DLG2: variants seen among roughly 807,000 people sequenced by gnomAD.
DLG2 encodes discs large MAGUK scaffold protein 2.
Under a neutral mutation model 132.5 loss-of-function variants are expected in DLG2, and 45 were observed. The ratio of observed to expected loss-of-function variants is 0.34; its 90% CI spans 0.27 to 0.44. The LOEUF is 0.44. DLG2 is among the 20% of genes least tolerant of loss of function. The pLI is 1.00. For synonymous variants in DLG2, 424 were observed against 419.6 expected, an observed-to-expected ratio of 1.01 and a Z score of -0.13; for missense variants, 1,045 against 1,196.9, an observed-to-expected ratio of 0.87 and a Z score of 1.87.
chr11:85,361,996 G>A (rs2084191399), intron 3 of DLG2, among the ~76,000 whole-genome samples: 2 of 152,154 alleles, frequency 1.3e-5, no homozygotes, highest in South Asian at 4.1e-4. Context: ...TTGAGACAAA[G>A]TCTTGCTGTG....
At chr11:84,429,295 A>C (rs936965169) in intron 7 of DLG2, among the ~76,000 whole-genome samples, 1 of 152,212 alleles carries the variant, frequency 6.6e-6, no homozygotes, top group African/African-American at 2.4e-5. Context: ...GTCTTATAGA[A>C]AATCAGAATT....
intron 5 of DLG2, among the ~76,000 whole-genome samples, chr11:85,146,188 CT>C (rs779034121): frequency 1.3e-5 from 2 of 151,326 alleles, no homozygotes; most frequent in Non-Finnish European, 2.9e-5. Flanking sequence ...TCACTTCTCA[CT>C]TTCCCCAAAC....
chr11:83,888,480 G>A (rs1024222729), intron 15 of DLG2, among the ~76,000 whole-genome samples: 8 of 152,122 alleles, frequency 5.3e-5, no homozygotes, highest in African/African-American at 1.4e-4. Flanking sequence ...AACATTCCAT[G>A]CTCATGGGTA....
At chr11:84,449,210 A>G (rs1486276771) in intron 7 of DLG2, among the ~76,000 whole-genome samples, 1 of 151,938 alleles carries the variant, frequency 6.6e-6, no homozygotes, top group Non-Finnish European at 1.5e-5. Context: ...CTTTTGCAAA[A>G]TACAATAAAT....
intron 6 of DLG2, among the ~76,000 whole-genome samples, chr11:84,573,643 T>C (rs545807721): frequency 1.6e-4 from 24 of 152,246 alleles, no homozygotes; most frequent in Middle Eastern, 6.8e-3. Flanking sequence ...CTAAATGCTA[T>C]TGGAAATACA....
chr11:85,376,064 G>C (rs796389020), intron 3 of DLG2, among the ~76,000 whole-genome samples: 5 of 152,270 alleles, frequency 3.3e-5, no homozygotes, highest in African/African-American at 1.2e-4. Context: ...CTAATAAGTA[G>C]TTATAGAGCA....
At chr11:84,198,736 G>C (rs2096555189) in intron 8 of DLG2, among the ~76,000 whole-genome samples, 1 of 152,176 alleles carries the variant, frequency 6.6e-6, no homozygotes, top group Admixed American at 6.5e-5. Flanking sequence ...AGGACTTAGA[G>C]AGGGAAGTCA....
intron 3 of DLG2, among the ~76,000 whole-genome samples, chr11:85,347,872 C>T (rs1376291263): frequency 1.4e-5 from 2 of 139,354 alleles, no homozygotes; most frequent in African/African-American, 5.5e-5. Flanking sequence ...GGTGCAATCT[C>T]GGCACATTGC....
chr11:85,612,781 T>A (rs2081091570), intron 2 of DLG2, among the ~76,000 whole-genome samples: 1 of 152,210 alleles, frequency 6.6e-6, no homozygotes, highest in African/African-American at 2.4e-5. Context: ...GAATGGCTAC[T>A]GCTACAGAAA....
chr11:85,494,519 G>A (rs1043291964), intron 3 of DLG2, among the ~76,000 whole-genome samples: 1 of 151,980 alleles, frequency 6.6e-6, no homozygotes, highest in Non-Finnish European at 1.5e-5. Flanking sequence ...AGTAAGCAAT[G>A]TTAAAATTTG....
intron 17 of DLG2, among the ~76,000 whole-genome samples, chr11:83,807,990 A>G (rs767770926): frequency 2.6e-5 from 4 of 152,100 alleles, no homozygotes; most frequent in African/African-American, 7.2e-5. Flanking sequence ...ACAGTCATCA[A>G]TGTTGCTATG....
chr11:84,845,864 G>C (rs1180619640), intron 6 of DLG2, among the ~76,000 whole-genome samples: 1 of 151,842 alleles, frequency 6.6e-6, no homozygotes, highest in African/African-American at 2.4e-5. Flanking sequence ...ATTTTTAGTA[G>C]AGATAGGGTT....
At position 83,486,251 on chromosome 11, in the gene DLG2, A is replaced by G. The variant is rs571425837; in HGVS notation, c.2194-2023T>C. On this transcript the variant is annotated intron_variant, in intron 21 of 27. Coordinates refer to ENST00000376104, the MANE Select transcript of DLG2 (RefSeq NM_001142699.3). ...TTTCAAGCATATTTAAACTCCAGTA[A>G]CTGAAAATAAAAGAAAAAAAATCAT... 4.4e-6 allele frequency: 3 copies of G among 682,222 alleles called. No homozygotes were observed. The African/African-American group carries it at 5.4e-5, about 12-fold the overall frequency. The allele number at this position is 682,222 out of a possible 1,614,324, so 42.3% of individuals were successfully genotyped here. A position where few individuals can be genotyped will look rare whatever the true frequency, so the allele number is the denominator to read the frequency against.
intron 3 of DLG2, among the ~76,000 whole-genome samples, chr11:85,504,232 C>G (rs10751126): frequency 0.84 from 127,417 of 151,188 alleles, 54,129 homozygotes; most frequent in Middle Eastern, 0.91. Flanking sequence ...TCCCATTTGT[C>G]AATTTTGGCT....
intron 15 of DLG2, among the ~76,000 whole-genome samples, chr11:83,890,461 A>G (rs1205007223): frequency 6.6e-6 from 1 of 151,928 alleles, no homozygotes; most frequent in Non-Finnish European, 1.5e-5. Context: ...ATTCCTTTTC[A>G]GTTGTTACTG....
chr11:85,006,227 T>C (rs2058651873), intron 6 of DLG2, among the ~76,000 whole-genome samples: 1 of 152,218 alleles, frequency 6.6e-6, no homozygotes, highest in East Asian at 1.9e-4. Context: ...GCTATCAGGA[T>C]GATGCTGTCC....
chr11:84,976,204 A>C (rs1242838037), intron 6 of DLG2, among the ~76,000 whole-genome samples: 9 of 152,174 alleles, frequency 5.9e-5, no homozygotes, highest in African/African-American at 2.2e-4. Context: ...GTATCTTCAA[A>C]ACTTAATATA....
At chr11:83,933,439 A>G (rs946867156) in intron 14 of DLG2, among the ~76,000 whole-genome samples, 2 of 152,234 alleles carry the variant, frequency 1.3e-5, no homozygotes, top group African/African-American at 4.8e-5. Context: ...AAAGAGCCAT[A>G]GATAATGACG....
At chr11:84,826,079 G>T (rs538276589) in intron 6 of DLG2, among the ~76,000 whole-genome samples, 5 of 151,898 alleles carry the variant, frequency 3.3e-5, no homozygotes, top group African/African-American at 9.6e-5. Flanking sequence ...TGGGTAGATA[G>T]TAGGTATATA....
Sources: allele counts gnomAD v4.1 joint callset (sites outside exome capture counted in the v4.1 genomes callset), GRCh38; gene constraint gnomAD v4.1.1; transcripts MANE v1.5; gene names NCBI Gene and HGNC (gene_info 2026-07-23, HGNC 2026-07-21).